Variants in MLLT10 observed in about 807,000 individuals in gnomAD.
The protein encoded by MLLT10 is MLLT10 histone lysine methyltransferase DOT1L cofactor, also known as protein AF-10.
Under a neutral mutation model 129.1 loss-of-function variants are expected in MLLT10, and 30 were observed. The ratio of observed to expected loss-of-function variants is 0.23; its 90% CI spans 0.17 to 0.32. MLLT10 has a LOEUF of 0.32. Among genes scored for constraint, MLLT10 ranks in the 10% least tolerant of loss-of-function variants. The pLI is 1.00. For missense variants in MLLT10, 1,119 were observed against 1,268.3 expected, an observed-to-expected ratio of 0.88 and a Z score of 1.79; for synonymous variants, 490 against 446.4, an observed-to-expected ratio of 1.10 and a Z score of -1.23.
At chr10:21,547,263 T>C (rs1287497851) in intron 3 of MLLT10, among the ~76,000 whole-genome samples, 1 of 152,206 alleles carries the variant, frequency 6.6e-6, no homozygotes, top group East Asian at 1.9e-4. Flanking sequence ...AGTTTTAACA[T>C]GCATACTTAA....
At chr10:21,560,427 T>C (rs2038658164) in intron 3 of MLLT10, among the ~76,000 whole-genome samples, 2 of 152,214 alleles carry the variant, frequency 1.3e-5, no homozygotes, top group African/African-American at 4.8e-5. Context: ...TCAATTCTTC[T>C]TATTTTCTGT....
intron 8 of MLLT10, among the ~76,000 whole-genome samples, chr10:21,621,585 T>G (rs1373844965): frequency 6.6e-6 from 1 of 152,068 alleles, no homozygotes; most frequent in Non-Finnish European, 1.5e-5. Context: ...GAGGTGTGCC[T>G]GTTGTGTTGA....
intron 9 of MLLT10, among the ~76,000 whole-genome samples, chr10:21,658,971 C>A (rs1328125346): frequency 1.3e-5 from 2 of 151,954 alleles, no homozygotes; most frequent in South Asian, 2.1e-4. Flanking sequence ...TAGCTGGTAT[C>A]TTTTTATGTG....
At chr10:21,535,230 G>C (rs534126831) in intron 2 of MLLT10, among the ~76,000 whole-genome samples, 1 of 152,158 alleles carries the variant, frequency 6.6e-6, no homozygotes, top group East Asian at 1.9e-4. Flanking sequence ...GCCTGCAGCC[G>C]CCTGTCTGCC....
intron 13 of MLLT10, among the ~76,000 whole-genome samples, chr10:21,701,815 C>G (rs1051729814): frequency 2.0e-5 from 3 of 152,110 alleles, no homozygotes; most frequent in African/African-American, 4.8e-5. Flanking sequence ...TCTCAAACTC[C>G]TGACCTCAGG....
chr10:21,722,763 A>T (rs947502973), intron 14 of MLLT10, among the ~76,000 whole-genome samples: 1 of 152,150 alleles, frequency 6.6e-6, no homozygotes, highest in African/African-American at 2.4e-5. Flanking sequence ...CGAAAGACTC[A>T]TCAAGGGTCC....
At chr10:21,640,165 TA>T (rs1490705744) in intron 8 of MLLT10, among the ~76,000 whole-genome samples, 3 of 145,992 alleles carry the variant, frequency 2.1e-5, no homozygotes, top group Non-Finnish European at 4.5e-5. Context: ...TATACATATA[TA>T]TTATATATAA....
intron 14 of MLLT10, among the ~76,000 whole-genome samples, chr10:21,717,731 C>CCTCCTCCTCCTCT (rs1589800836): frequency 2.1e-5 from 1 of 47,202 alleles, no homozygotes; most frequent in East Asian, 1.3e-3. Flanking sequence ...CCTCCTCCTC[C>CCTCCTCCTCCTCT]TCCTCTTCCT....
intron 14 of MLLT10, among the ~76,000 whole-genome samples, chr10:21,725,259 G>A (rs1356930370): frequency 1.3e-5 from 2 of 152,176 alleles, no homozygotes; most frequent in Admixed American, 1.3e-4. Context: ...CATTTGGTTA[G>A]ATACCTGTTG....
chr10:21,546,418 T>G (rs540712777), intron 3 of MLLT10, among the ~76,000 whole-genome samples: 17 of 151,346 alleles, frequency 1.1e-4, no homozygotes, highest in South Asian at 4.2e-4. Context: ...TACTTTTTTT[T>G]TTTTGAGATG....
At position 21,669,440 on chromosome 10, in the gene MLLT10, G is replaced by A. The variant is rs538904298; in HGVS notation, c.796-1009G>A. On this transcript the variant is annotated intron_variant, in intron 9 of 22. Transcript: ENST00000307729. Reference sequence around the variant, plus strand: ...TGTGTTGAGTGGTGGCTGTATGTGGGAAAATTCACTTTTGCATATTTTCAG... The same window carrying A: ...TGTGTTGAGTGGTGGCTGTATGTGGAAAAATTCACTTTTGCATATTTTCAG... Among the ~76,000 whole-genome samples the A allele has an allele frequency of 2.3e-4, 35 of 152,164 alleles. No individual in the cohort carries two copies. The South Asian group carries it at 7.3e-3, about 32-fold the overall frequency.
At chr10:21,648,162 T>C (rs1344452788) in intron 8 of MLLT10, among the ~76,000 whole-genome samples, 1 of 152,214 alleles carries the variant, frequency 6.6e-6, no homozygotes, top group Non-Finnish European at 1.5e-5. Context: ...GGTTTTCCCT[T>C]TCTTAATCTG....
intron 9 of MLLT10, among the ~76,000 whole-genome samples, chr10:21,653,234 A>G (rs1018411735): frequency 6.6e-6 from 1 of 152,196 alleles, no homozygotes; most frequent in Non-Finnish European, 1.5e-5. Flanking sequence ...CTGGGTTCTT[A>G]TCTGAAAGAA....
rs1589957261 is a variant in MLLT10, at chr10:21,742,587, AT to A, written c.*605del. The stretch of plus-strand genomic sequence containing the variant: ...TTTTGGTAATGAAGTTAGGATGGTA[AT>A]GTCTGCATCTGCTAAAGGTAATTTT... On this transcript the variant is annotated 3_prime_UTR_variant, in exon 23 of 23. Transcript: ENST00000307729. The A allele has an allele frequency of 4.6e-6, 1 of 219,614 alleles. No individual in the cohort carries two copies. The highest frequency in any genetic ancestry group is 9.1e-6 in the Non-Finnish European group (1 of 109,546). The allele number at this position is 219,614 out of a possible 1,614,324, so 13.6% of individuals were successfully genotyped here.
At chr10:21,569,820 A>G (rs2131030607) in intron 3 of MLLT10, among the ~76,000 whole-genome samples, 1 of 152,136 alleles carries the variant, frequency 6.6e-6, no homozygotes, top group African/African-American at 2.4e-5. Flanking sequence ...ATGGCTCACT[A>G]TGGCCTTGAC....
intron 16 of MLLT10, among the ~76,000 whole-genome samples, chr10:21,730,521 C>G (rs992394226): frequency 1.3e-5 from 2 of 152,110 alleles, no homozygotes; most frequent in Non-Finnish European, 2.9e-5. Flanking sequence ...TATATCAAAG[C>G]AGAATGGTGA....
chr10:21,681,349 C>G lies in MLLT10; in HGVS notation c.1639C>G (p.Arg547Gly). 6.2e-7 allele frequency: 1 copy of G among 1,612,268 alleles called. No individual in the cohort carries two copies. The change falls in exon 12 of 23, where the codon CGG becomes GGG. Residue 547 changes from arginine to glycine, a missense_variant. Coordinates refer to ENST00000307729, the MANE Select transcript of MLLT10 (RefSeq NM_001195626.3). ...CTCAACAGAAATTTCCATGCAGTAT[C>G]GGCATGATGGAGCTTGCCCAACAAC... is the stretch of plus-strand genomic sequence containing the variant. ...PVGSEISMQY[R>G]HDGACPTTTF... is the part of the protein sequence containing the mutation.
chr10:21,620,464 G>A (rs963603916), intron 8 of MLLT10, among the ~76,000 whole-genome samples: 5 of 152,018 alleles, frequency 3.3e-5, no homozygotes, highest in African/African-American at 1.2e-4. Context: ...TAAACTTTTC[G>A]TAAGTTGAAA....
chr10:21,546,642 A>G (rs1478108274), intron 3 of MLLT10, among the ~76,000 whole-genome samples: 1 of 148,270 alleles, frequency 6.7e-6, no homozygotes, highest in Admixed American at 6.8e-5. Flanking sequence ...GTCTCAGCTC[A>G]CTGCAGCCTC....
Sources: gnomAD v4.1 joint callset for allele counts (sites outside exome capture counted in the v4.1 genomes callset) on GRCh38, gnomAD v4.1.1 for gene constraint, MANE v1.5 for transcripts, NCBI Gene and HGNC (gene_info 2026-07-23, HGNC 2026-07-21) for gene names.